AMOTL1: variants seen among roughly 807,000 people sequenced by gnomAD.
The protein encoded by AMOTL1 is angiomotin-like protein 1.
AMOTL1 carries 45 observed loss-of-function variants against 102.9 expected under a neutral mutation model. That is an observed-to-expected ratio of 0.44 (90% CI 0.34 to 0.56). AMOTL1 has a LOEUF of 0.56. AMOTL1 is among the 20% of genes least tolerant of loss of function. AMOTL1 has a pLI of 0.01. For synonymous variants in AMOTL1, 481 were observed against 484.7 expected, an observed-to-expected ratio of 0.99 and a Z score of 0.10; for missense variants, 1,114 against 1,225.6, an observed-to-expected ratio of 0.91 and a Z score of 1.36.
intron 9 of AMOTL1, among the ~76,000 whole-genome samples, chr11:94,862,878 G>A (rs59629472): frequency 0.06 from 9,098 of 152,222 alleles, 481 homozygotes; most frequent in African/African-American, 0.14. Flanking sequence ...GGCCTTTAGT[G>A]TATTTTCAAT....
chr11:94,716,059 C>T (rs1442761352), intron 1 of AMOTL1, among the ~76,000 whole-genome samples: 1 of 151,892 alleles, frequency 6.6e-6, no homozygotes, highest in African/African-American at 2.4e-5. Flanking sequence ...GTTTATTTTT[C>T]CTTTTTTGTA....
intron 6 of AMOTL1, among the ~76,000 whole-genome samples, chr11:94,846,249 A>G (rs978480923): frequency 1.3e-5 from 2 of 152,220 alleles, no homozygotes; most frequent in Non-Finnish European, 2.9e-5. Flanking sequence ...ACCTTGTCAC[A>G]TTGCCTTTGC....
chr11:94,864,642 G>GC, intron 9 of AMOTL1, 93 bp from the exon 10 acceptor site: 1 of 1,523,546 alleles, frequency 6.6e-7, no homozygotes, highest in Non-Finnish European at 8.9e-7. Flanking sequence ...CTCTGTTCCA[G>GC]CATGAACACC....
rs1346601354 is a variant in AMOTL1, at chr11:94,874,531, A to G, written c.*3736A>G. The G allele has an allele frequency of 3.3e-5, 5 of 152,250 alleles. No individual in the cohort carries two copies. Among genetic ancestry groups the G allele is most frequent in the African/African-American group, 1.2e-4 (5 of 41,462 alleles). The allele number at this position is 152,250 out of a possible 1,614,324, so 9.4% of individuals were successfully genotyped here. ...TGGCATGGATACCAAAACAGTTGCA[A>G]CAAATTAGTTCTGAACCTGGAACAG... On this transcript the variant is annotated 3_prime_UTR_variant, in exon 13 of 13. Coordinates refer to ENST00000433060, the MANE Select transcript of AMOTL1 (RefSeq NM_130847.3).
At chr11:94,830,740 C>A (rs759985163) in intron 5 of AMOTL1, among the ~76,000 whole-genome samples, 8 of 152,184 alleles carry the variant, frequency 5.3e-5, no homozygotes, top group Non-Finnish European at 7.3e-5. Flanking sequence ...TTGGCAGTCT[C>A]CAATATGCAC....
chr11:94,830,154 C>G lies in AMOTL1; in HGVS notation c.1518C>G (p.Gly506=). 1 of 1,610,570 alleles carries G rather than the reference C, an allele frequency of 6.2e-7. No individual in the cohort carries two copies. Residue 506 remains glycine, a synonymous_variant, in exon 5 of 13, where the codon GGC becomes GGG. Transcript: ENST00000433060. ...LDKAMRNKLE[G]EIRRLHDFNR... is the part of the protein sequence containing the mutation. Reference sequence around the variant, plus strand: ...AGGCCATGAGAAACAAATTGGAAGGCGAGATTAGAAGACTTCATGATTTCA... The same window carrying G: ...AGGCCATGAGAAACAAATTGGAAGGGGAGATTAGAAGACTTCATGATTTCA...
chr11:94,795,332 A>G (rs185309112), intron 2 of AMOTL1, among the ~76,000 whole-genome samples, 172 bp downstream of exon 2: 1 of 152,244 alleles, frequency 6.6e-6, no homozygotes, highest in East Asian at 1.9e-4. Context: ...ATGTTTTGCT[A>G]TGGTGTTAAT....
At chr11:94,751,401 C>A (rs539252244) in intron 3 of AMOTL1, among the ~76,000 whole-genome samples, 2 of 152,088 alleles carry the variant, frequency 1.3e-5, no homozygotes, top group East Asian at 3.9e-4. Context: ...CACGAAATCT[C>A]CCCTGGTTTC....
At chr11:94,796,875 T>C (rs1951376762) in intron 2 of AMOTL1, 1 of 509,822 alleles carries the variant, frequency 2.0e-6, no homozygotes, top group Non-Finnish European at 2.5e-6. Flanking sequence ...TCTATTTACA[T>C]ACACATATAG....
chr11:94,720,730 C>T (rs900092142), intron 1 of AMOTL1, among the ~76,000 whole-genome samples: 14 of 152,046 alleles, frequency 9.2e-5, no homozygotes, highest in Admixed American at 2.6e-4. Flanking sequence ...AATTGTCTGC[C>T]CTGATTAAGC....
intron 3 of AMOTL1, among the ~76,000 whole-genome samples, chr11:94,762,908 G>A (rs1486991306): frequency 6.6e-6 from 1 of 152,162 alleles, no homozygotes; most frequent in Non-Finnish European, 1.5e-5. Context: ...AAAACATCCC[G>A]ACAAACAGGC....
At chr11:94,773,431 T>A (rs1950981817) in intron 1 of AMOTL1, among the ~76,000 whole-genome samples, 1 of 152,214 alleles carries the variant, frequency 6.6e-6, no homozygotes, top group African/African-American at 2.4e-5. Flanking sequence ...AAACCATCTA[T>A]TAGGTCTCGA....
chr11:94,860,170 A>G (rs551010615), intron 9 of AMOTL1, among the ~76,000 whole-genome samples: 3 of 152,336 alleles, frequency 2.0e-5, no homozygotes, highest in African/African-American at 4.8e-5. Context: ...ATCATGGGCC[A>G]AACTAGAAGA....
intron 1 of AMOTL1, among the ~76,000 whole-genome samples, chr11:94,714,415 T>C (rs1350718870): frequency 6.6e-6 from 1 of 152,148 alleles, no homozygotes; most frequent in Non-Finnish European, 1.5e-5. Flanking sequence ...TAGAAAGTGA[T>C]TGCTTCTTTT....
intron 1 of AMOTL1, among the ~76,000 whole-genome samples, chr11:94,787,993 G>A (rs548000077): frequency 1.4e-4 from 21 of 152,290 alleles, no homozygotes; most frequent in South Asian, 4.1e-4. Flanking sequence ...AGAGACTGCT[G>A]CTGCTCCTGG....
intron 6 of AMOTL1, 48 bp downstream of exon 6, chr11:94,831,589 G>A (rs370678221): frequency 1.3e-5 from 20 of 1,515,400 alleles, no homozygotes; most frequent in African/African-American, 4.1e-5. Context: ...GTTTAAAAAC[G>A]GGGTCCTGAA....
chr11:94,723,120 A>G (rs1950199861), intron 1 of AMOTL1, among the ~76,000 whole-genome samples: 1 of 152,126 alleles, frequency 6.6e-6, no homozygotes, highest in Non-Finnish European at 1.5e-5. Flanking sequence ...TAGGTATGTC[A>G]GTCTCCTTCA....
intron 7 of AMOTL1, 109 bp from the exon 8 acceptor site, chr11:94,853,824 A>C: frequency 7.7e-7 from 1 of 1,291,020 alleles, no homozygotes; most frequent in East Asian, 2.5e-5. Flanking sequence ...AGGTACGTGC[A>C]CCTGTAGTTT....
At chr11:94,801,648 A>G (rs1309866127) in intron 3 of AMOTL1, among the ~76,000 whole-genome samples, 2 of 152,130 alleles carry the variant, frequency 1.3e-5, no homozygotes, top group African/African-American at 4.8e-5. Context: ...ATAGAGGAGC[A>G]TTATGTGCTA....
Sources: allele counts gnomAD v4.1 joint callset (sites outside exome capture counted in the v4.1 genomes callset), GRCh38; gene constraint gnomAD v4.1.1; transcripts MANE v1.5; gene names NCBI Gene and HGNC (gene_info 2026-07-23, HGNC 2026-07-21).